The following KCTD1 variants were observed in gnomAD, a reference collection of about 807,000 sequenced individuals.
KCTD1 encodes the protein potassium channel tetramerization domain containing 1.
KCTD1 carries 24 observed loss-of-function variants against 66.0 expected under a neutral mutation model. The observed-to-expected ratio is 0.36, with a 90% CI of 0.26 to 0.51. KCTD1 has a LOEUF of 0.51. Ranked by LOEUF, KCTD1 falls within the 20% of genes least tolerant of loss-of-function variation. The pLI is 0.95. For missense variants in KCTD1, 943 were observed against 1,205.2 expected (o/e 0.78, Z 3.22); for synonymous variants, 511 against 517.2 (o/e 0.99, Z 0.16).
intron 1 of KCTD1, among the ~76,000 whole-genome samples, chr18:26,539,551 G>T (rs1441457321): frequency 6.6e-6 from 1 of 152,194 alleles, no homozygotes; most frequent in African/African-American, 2.4e-5. Context: ...GAACCAGTTA[G>T]AGATTGTGAC....
At chr18:26,537,506 T>C (rs900241569) in intron 1 of KCTD1, among the ~76,000 whole-genome samples, 2 of 152,216 alleles carry the variant, frequency 1.3e-5, no homozygotes, top group Non-Finnish European at 2.9e-5. Flanking sequence ...CGATAATGTA[T>C]CAAAATACCA....
intron 1 of KCTD1, among the ~76,000 whole-genome samples, chr18:26,646,607 GAA>G (rs989686735): frequency 6.6e-6 from 1 of 151,582 alleles, no homozygotes; most frequent in African/African-American, 2.4e-5. Context: ...ACTGTACAAT[GAA>G]AAAAAAGTGT....
At chr18:26,640,576 C>T (rs370412498), upstream of KCTD1, among the ~76,000 whole-genome samples, 25 of 152,166 alleles carry the variant, frequency 1.6e-4, no homozygotes, top group African/African-American at 5.1e-4. Flanking sequence ...TGCACATACA[C>T]GTGTCTGTGT....
At chr18:26,599,669 C>A in intron 1 of KCTD1, 1 of 1,477,378 alleles carries the variant, frequency 6.8e-7, no homozygotes, top group Non-Finnish European at 9.5e-7. Context: ...GATCCTTCGG[C>A]CTGGTGGATG....
rs549486046 is a variant in KCTD1, at chr18:26,517,713, CTT to C, written c.1810-16465_1810-16464del. Among the ~76,000 whole-genome samples the C allele has an allele frequency of 2.2e-4, 33 of 151,194 alleles. 1 individual carries two copies. The South Asian group carries it at 4.2e-3, about 19-fold the overall frequency. ...AGTTTCCCTGCACAAGCTATCCTCT[CTT>C]GTCTGCCGCCACGTGAGACGTGCTT... On this transcript the variant is annotated intron_variant, in intron 1 of 4. Transcript: ENST00000580059.
intron 1 of KCTD1, among the ~76,000 whole-genome samples, chr18:26,599,211 TCA>T (rs1986835314): frequency 6.6e-6 from 1 of 152,260 alleles, no homozygotes; most frequent in Admixed American, 6.5e-5. Flanking sequence ...TTCATTTTTG[TCA>T]CATTCTTTTG....
At chr18:26,617,831 AGAAGGAAGGAAG>A (rs1170380555) in intron 1 of KCTD1, among the ~76,000 whole-genome samples, 1 of 110,812 alleles carries the variant, frequency 9.0e-6, no homozygotes, top group Non-Finnish European at 1.8e-5. Flanking sequence ...AATCAGAGGA[AGAAGGAAGGAAG>A]GAAGGAAGGG....
At chr18:26,621,202 CTTT>C (rs1160570722) in intron 1 of KCTD1, among the ~76,000 whole-genome samples, 1 of 152,016 alleles carries the variant, frequency 6.6e-6, no homozygotes, top group Non-Finnish European at 1.5e-5. Context: ...ACATGTTTAT[CTTT>C]TTACTTTTCT....
At chr18:26,567,730 G>A (rs553011927) in intron 1 of KCTD1, among the ~76,000 whole-genome samples, 3 of 151,884 alleles carry the variant, frequency 2.0e-5, no homozygotes, top group African/African-American at 4.8e-5. Flanking sequence ...TTCATGATCC[G>A]CCTGCCTCAG....
intron 1 of KCTD1, among the ~76,000 whole-genome samples, chr18:26,612,169 C>A (rs770534677): frequency 2.0e-5 from 3 of 152,174 alleles, no homozygotes; most frequent in East Asian, 3.9e-4. Flanking sequence ...TGCAGGGGAC[C>A]CAATGCAGAC....
At chr18:26,488,037 C>T (rs1263299868) in intron 2 of KCTD1, among the ~76,000 whole-genome samples, 1 of 152,182 alleles carries the variant, frequency 6.6e-6, no homozygotes, top group African/African-American at 2.4e-5. Context: ...GAAAGAAATA[C>T]TTTTCTAATT....
intron 1 of KCTD1, among the ~76,000 whole-genome samples, chr18:26,622,776 G>A (rs1368800307): frequency 2.0e-5 from 3 of 152,048 alleles, no homozygotes; most frequent in South Asian, 2.1e-4. Context: ...AGGGGGTGGC[G>A]GAAGTGCATA....
At chr18:26,573,767 G>C (rs1468397130) in intron 1 of KCTD1, among the ~76,000 whole-genome samples, 1 of 152,148 alleles carries the variant, frequency 6.6e-6, no homozygotes, top group Non-Finnish European at 1.5e-5. Flanking sequence ...TTAAAATCTT[G>C]CAAAATATAC....
chr18:26,461,720 G>A (rs1434449023), intron 3 of KCTD1, among the ~76,000 whole-genome samples: 2 of 152,228 alleles, frequency 1.3e-5, no homozygotes, highest in Non-Finnish European at 2.9e-5. Context: ...AGCAATGAGA[G>A]TTACACAAGC....
At chr18:26,594,126 C>CT (rs1345867988) in intron 1 of KCTD1, among the ~76,000 whole-genome samples, 1 of 152,242 alleles carries the variant, frequency 6.6e-6, no homozygotes, top group Non-Finnish European at 1.5e-5. Context: ...GACAGCTCCT[C>CT]TTCTGCTCTC....
intron 3 of KCTD1, among the ~76,000 whole-genome samples, chr18:26,469,587 G>A (rs150680015): frequency 2.6e-5 from 4 of 152,204 alleles, no homozygotes; most frequent in South Asian, 2.1e-4. Context: ...GTGATTCCCT[G>A]CAGCCTGCAT....
At chr18:26,465,482 C>T (rs1980677015) in intron 3 of KCTD1, among the ~76,000 whole-genome samples, 1 of 152,210 alleles carries the variant, frequency 6.6e-6, no homozygotes, top group African/African-American at 2.4e-5. Context: ...CCTCCTCATC[C>T]AGGGGCACTG....
At chr18:26,608,813 G>T (rs1987073281) in intron 1 of KCTD1, among the ~76,000 whole-genome samples, 2 of 152,176 alleles carry the variant, frequency 1.3e-5, no homozygotes, top group African/African-American at 4.8e-5. Flanking sequence ...TGCAAGTTCT[G>T]ATTTCATCAG....
At chr18:26,470,541 A>G (rs1420451967) in intron 3 of KCTD1, among the ~76,000 whole-genome samples, 1 of 152,268 alleles carries the variant, frequency 6.6e-6, no homozygotes, top group Admixed American at 6.5e-5. Context: ...ACAGAAAGAC[A>G]GAAAGCTTCC....
Sources: allele counts gnomAD v4.1 joint callset (sites outside exome capture counted in the v4.1 genomes callset), GRCh38; gene constraint gnomAD v4.1.1; transcripts MANE v1.5; gene names NCBI Gene and HGNC (gene_info 2026-07-23, HGNC 2026-07-21).